Variants in PCDH11X observed in about 807,000 individuals in gnomAD.
The protein encoded by PCDH11X is protocadherin 11 X-linked.
A neutral mutation model predicts 53.3 loss-of-function variants in PCDH11X; 18 were observed. The ratio of observed to expected loss-of-function variants is 0.34; its 90% CI spans 0.23 to 0.50. PCDH11X has a LOEUF of 0.50. Ranked by LOEUF, PCDH11X falls within the 20% of genes least tolerant of loss-of-function variation. The pLI, the probability that PCDH11X is intolerant of heterozygous loss-of-function variation, is 0.98. For synonymous variants in PCDH11X, 279 were observed against 393.3 expected (o/e 0.71, Z 3.44); for missense variants, 570 against 1,032.4 (o/e 0.55, Z 6.14).
At chrX:92,286,418 T>C (rs1206310392) in intron 8 of PCDH11X, among the ~76,000 whole-genome samples, 36 of 99,010 alleles carry the variant, frequency 3.6e-4, no homozygotes, top group African/African-American at 1.3e-3. Context: ...AAGTTAAGCA[T>C]TGTTCCTCTT....
At position 91,884,533 on chromosome X, in the gene PCDH11X, A is replaced by C. The variant is rs1940109687; in HGVS notation, c.3033+5260A>C. ...TCTAGCATTAAATTACTAAATATAC[A>C]TCATTGCTTTGAGTAATTTTTCCTT... On this transcript the variant is annotated intron_variant, in intron 6 of 10. Coordinates refer to ENST00000682573, the MANE Select transcript of PCDH11X (RefSeq NM_032968.5). Among the ~76,000 whole-genome samples, 4 of 111,388 alleles carry C rather than the reference A, an allele frequency of 3.6e-5. No homozygotes were observed. The South Asian group carries it at 1.5e-3, about 42-fold the overall frequency.
chrX:92,245,640 G>A (rs751045914), intron 7 of PCDH11X, among the ~76,000 whole-genome samples: 43 of 111,945 alleles, frequency 3.8e-4, no homozygotes, highest in Non-Finnish European at 7.5e-4. Context: ...GAATGAGTGG[G>A]TTAGAAATGG....
chrX:92,279,765 A>G (rs1013064808), intron 8 of PCDH11X, among the ~76,000 whole-genome samples: 5 of 111,941 alleles, frequency 4.5e-5, no homozygotes, highest in Non-Finnish European at 9.4e-5. Flanking sequence ...TGCCCAGCAT[A>G]TTTTTCACGT....
intron 6 of PCDH11X, among the ~76,000 whole-genome samples, chrX:92,085,506 G>C (rs1863791): frequency 0.36 from 35,278 of 97,093 alleles, 7,308 homozygotes; most frequent in East Asian, 0.86. Flanking sequence ...AAGCCACCCA[G>C]ATGCCATGGC....
At chrX:91,830,391 AATT>A (rs1004995027) in intron 4 of PCDH11X, among the ~76,000 whole-genome samples, 1 of 111,745 alleles carries the variant, frequency 8.9e-6, no homozygotes, top group African/African-American at 3.3e-5. Flanking sequence ...CCAGTCTTAT[AATT>A]ACTGTGCCTT....
At chrX:92,258,484 C>T (rs2067645344) in intron 7 of PCDH11X, among the ~76,000 whole-genome samples, 1 of 108,979 alleles carries the variant, frequency 9.2e-6, no homozygotes, top group African/African-American at 3.3e-5. Context: ...TCTCCTGCCT[C>T]AGCCTCTGGA....
chrX:92,296,224 A>T (rs1295809849), intron 8 of PCDH11X, among the ~76,000 whole-genome samples: 1 of 111,226 alleles, frequency 9.0e-6, no homozygotes, highest in Admixed American at 9.5e-5. Context: ...TACATTGCTG[A>T]ATTTGGTTCA....
At chrX:92,374,716 A>G (rs916238658) in intron 8 of PCDH11X, among the ~76,000 whole-genome samples, 5 of 111,411 alleles carry the variant, frequency 4.5e-5, no homozygotes, top group African/African-American at 1.6e-4. Context: ...GATGTGTTCA[A>G]GTGTAATAAG....
intron 7 of PCDH11X, among the ~76,000 whole-genome samples, chrX:92,216,001 G>A (rs751606817): frequency 2.7e-5 from 3 of 111,055 alleles, no homozygotes; most frequent in Non-Finnish European, 5.7e-5. Context: ...GGTCCTGTTT[G>A]TTAGAAGGAA....
chrX:92,534,716 C>T (rs1460130264), intron 10 of PCDH11X, among the ~76,000 whole-genome samples: 2 of 111,632 alleles, frequency 1.8e-5, no homozygotes, highest in Non-Finnish European at 3.8e-5. Flanking sequence ...TCAGCAGAAA[C>T]TCTACAAGCC....
rs190803964 is a variant in PCDH11X at position 92,578,981 on chromosome X, A to G, written c.3368-39283A>G. ...CTCAGCAATTGCTTGTCTGAAAAGTATTTTATTTCTCCTTCACTTATGAAG... is the reference window on the plus strand; with the variant it reads ...CTCAGCAATTGCTTGTCTGAAAAGTGTTTTATTTCTCCTTCACTTATGAAG... On this transcript the variant is annotated intron_variant, in intron 10 of 10. Transcript: ENST00000682573. 4.8e-4 allele frequency among the ~76,000 whole-genome samples: 53 copies of G among 110,510 alleles called. No homozygotes were observed. The East Asian group carries it at 4.9e-3, about 10-fold the overall frequency.
intron 6 of PCDH11X, among the ~76,000 whole-genome samples, chrX:92,181,237 C>G (rs1289480287): frequency 9.0e-6 from 1 of 111,028 alleles, no homozygotes. Flanking sequence ...GCATTTTGCC[C>G]CTGCCCTAGA....
At chrX:91,851,805 C>G (rs1938029624) in intron 5 of PCDH11X, among the ~76,000 whole-genome samples, 1 of 110,932 alleles carries the variant, frequency 9.0e-6, no homozygotes, top group Non-Finnish European at 1.9e-5. Flanking sequence ...TATTTTCAAG[C>G]TGTTGTATAA....
chrX:92,579,379 C>A lies in PCDH11X; in HGVS notation c.3368-38885C>A, dbSNP rs760253174. 2.5e-4 allele frequency among the ~76,000 whole-genome samples: 27 copies of A among 108,239 alleles called. No homozygotes were observed. The East Asian group carries it at 7.3e-3, about 29-fold the overall frequency. The allele number at this position is 108,239 out of a possible 115,157, so 94.0% of individuals were successfully genotyped here. A position where few individuals can be genotyped will look rare whatever the true frequency, so the allele number is the denominator to read the frequency against. The stretch of plus-strand genomic sequence containing the variant: ...CCATTTCCCTCCTCTCTTTCAGGCA[C>A]CCCAATCAGTTTTAGGTTTGGTCTT... On this transcript the variant is annotated intron_variant, in intron 10 of 10. Transcript: ENST00000682573.
intron 5 of PCDH11X, among the ~76,000 whole-genome samples, chrX:91,846,973 T>C (rs1261195123): frequency 8.9e-6 from 1 of 111,753 alleles, no homozygotes; most frequent in Non-Finnish European, 1.9e-5. Flanking sequence ...AGTCGGTGCT[T>C]CTTAAAAAGA....
chrX:92,076,706 G>A (rs148608445), intron 6 of PCDH11X, among the ~76,000 whole-genome samples: 1 of 111,514 alleles, frequency 9.0e-6, no homozygotes, highest in South Asian at 3.7e-4. Flanking sequence ...AATGGCATTT[G>A]GCTTTTTTGT....
intron 7 of PCDH11X, among the ~76,000 whole-genome samples, chrX:92,212,734 A>G (rs1031209840): frequency 8.9e-6 from 1 of 112,591 alleles, no homozygotes; most frequent in Non-Finnish European, 1.9e-5. Flanking sequence ...CAAGGTGCAC[A>G]TACCATTAAC....
intron 10 of PCDH11X, among the ~76,000 whole-genome samples, chrX:92,617,984 T>C (rs1322865143): frequency 1.8e-5 from 2 of 111,252 alleles, no homozygotes. Context: ...ATGATCATAG[T>C]TTCCTTGAGG....
intron 6 of PCDH11X, among the ~76,000 whole-genome samples, chrX:92,173,799 C>A (rs553196100): frequency 9.4e-6 from 1 of 106,217 alleles, no homozygotes; most frequent in Admixed American, 1.0e-4. Flanking sequence ...GCCTGGGCAA[C>A]ATGGAGAACC....
Sources: gnomAD v4.1 joint callset for allele counts (sites outside exome capture counted in the v4.1 genomes callset) on GRCh38, gnomAD v4.1.1 for gene constraint, MANE v1.5 for transcripts, NCBI Gene and HGNC (gene_info 2026-07-23, HGNC 2026-07-21) for gene names.